The following SEC14L2 variants were observed in gnomAD, a reference collection of about 807,000 sequenced individuals.
SEC14L2 encodes SEC14 like lipid binding 2, also known as SEC14-like protein 2.
SEC14L2 carries 50 observed loss-of-function variants against 56.9 expected under a neutral mutation model. That is an observed-to-expected ratio of 0.88 (90% CI 0.70 to 1.11). The LOEUF (loss-of-function observed/expected upper bound fraction) is 1.11. Among genes scored for constraint, SEC14L2 ranks in the 50% most tolerant of loss-of-function variants. The pLI, the probability that SEC14L2 is intolerant of heterozygous loss-of-function variation, is 0.00. For missense variants in SEC14L2, 414 were observed against 500.7 expected, an observed-to-expected ratio of 0.83 and a Z score of 1.65; for synonymous variants, 179 against 188.5, an observed-to-expected ratio of 0.95 and a Z score of 0.41.
At chr22:30,420,453 A>G (rs1156531759) in intron 11 of SEC14L2, 1 of 152,198 alleles carries the variant, frequency 6.6e-6, no homozygotes, top group Non-Finnish European at 1.5e-5. Flanking sequence ...TCTGAGGCCA[A>G]GTATCTTGCT....
chr22:30,407,713 C>CT (rs370128450), intron 5 of SEC14L2, 110 bp downstream of exon 5: 36,141 of 608,852 alleles, frequency 0.059, 5 homozygotes, highest in Non-Finnish European at 0.066. Flanking sequence ...AAGGCCCAGC[C>CT]TTTTTTTTTT....
intron 11 of SEC14L2, among the ~76,000 whole-genome samples, chr22:30,417,270 T>C (rs1301266031): frequency 6.6e-6 from 1 of 152,224 alleles, no homozygotes; most frequent in African/African-American, 2.4e-5. Flanking sequence ...ACTCTAACAG[T>C]GGTTATCTCT....
chr22:30,415,230 G>C (rs2267157), intron 8 of SEC14L2, among the ~76,000 whole-genome samples: 2,117 of 152,198 alleles, frequency 0.014, 43 homozygotes, highest in East Asian at 0.11. Flanking sequence ...TCAGGAGTTC[G>C]AGACCAGCCT....
chr22:30,406,455 C>T (rs2072157), intron 3 of SEC14L2, 70 bp downstream of exon 3: 445,421 of 1,481,568 alleles, frequency 0.3, 67,393 homozygotes, highest in East Asian at 0.37. Flanking sequence ...CTTCTTTTGC[C>T]GCACCTCCCA....
chr22:30,416,197 GA>G (rs1569211162), intron 10 of SEC14L2, 36 bp from the exon 11 acceptor site: 1 of 1,609,718 alleles, frequency 6.2e-7, no homozygotes, highest in East Asian at 2.2e-5. Flanking sequence ...GGCACACACA[GA>G]CAGAATTATG....
At chr22:30,406,511 C>T in intron 3 of SEC14L2, 126 bp downstream of exon 3, 1 of 882,986 alleles carries the variant, frequency 1.1e-6, no homozygotes, top group Non-Finnish European at 1.8e-6. Flanking sequence ...ACCACTGTTG[C>T]CTTATCCCTC....
chr22:30,413,530 G>T (rs1045907794), intron 8 of SEC14L2, among the ~76,000 whole-genome samples: 3 of 152,068 alleles, frequency 2.0e-5, no homozygotes, highest in Non-Finnish European at 2.9e-5. Context: ...GACCAGCCTG[G>T]GAAACATAGT....
At chr22:30,403,957 T>C (rs1934013475) in intron 2 of SEC14L2, among the ~76,000 whole-genome samples, 1 of 135,876 alleles carries the variant, frequency 7.4e-6, no homozygotes. Flanking sequence ...GAGCTGAGAT[T>C]GCGCCACTGC....
chr22:30,406,575 C>T (rs35092409), intron 3 of SEC14L2, among the ~76,000 whole-genome samples, 190 bp downstream of exon 3: 1 of 152,106 alleles, frequency 6.6e-6, no homozygotes, highest in African/African-American at 2.4e-5. Flanking sequence ...AGCTCTGGGC[C>T]AGCCAAGAAT....
Position 30,416,342 on chromosome 22 carries a change from G to A in SEC14L2, c.1020G>A (p.Gln340=). ...AGEMTEVLPN[Q]RYNSHLVPED... is the part of the protein sequence containing the mutation. ...AGATGACAGAGGTGCTGCCCAACCA[G>A]AGGTACAACTCCCACCTGGTCCCTG... Residue 340 remains glutamine (Q), a synonymous_variant, in exon 11 of 12, where the codon CAG becomes CAA. Transcript: ENST00000615189. 1.2e-6 allele frequency: 2 copies of A among 1,614,248 alleles called. No individual in the cohort carries two copies. The highest frequency in any genetic ancestry group is 1.7e-6 in the Non-Finnish European group (2 of 1,180,042).
At chr22:30,398,927 G>A in intron 1 of SEC14L2, 1 of 408,598 alleles carries the variant, frequency 2.4e-6, no homozygotes, top group South Asian at 1.8e-5. Context: ...TACTTCTACG[G>A]GTTGTGAGTG....
At chr22:30,410,353 C>G (rs903609135) in intron 7 of SEC14L2, among the ~76,000 whole-genome samples, 7 of 152,240 alleles carry the variant, frequency 4.6e-5, no homozygotes, top group Non-Finnish European at 8.8e-5. Flanking sequence ...CTCCTTTGAG[C>G]CACCCAGCCT....
chr22:30,403,848 A>C (rs1025849757), intron 2 of SEC14L2, among the ~76,000 whole-genome samples: 27 of 151,668 alleles, frequency 1.8e-4, no homozygotes, highest in Non-Finnish European at 3.5e-4. Context: ...CTAAAAATAC[A>C]AAAAATTAGC....
At chr22:30,397,779 AGTTT>A in intron 1 of SEC14L2, 1 of 464,148 alleles carries the variant, frequency 2.2e-6, no homozygotes, top group Admixed American at 2.4e-5. Flanking sequence ...GGTTGGTGTT[AGTTT>A]GAGCTGAGAC....
At chr22:30,402,745 T>TA (rs1347489053) in intron 2 of SEC14L2, among the ~76,000 whole-genome samples, 2 of 151,452 alleles carry the variant, frequency 1.3e-5, no homozygotes, top group Non-Finnish European at 2.9e-5. Flanking sequence ...ATTGGGTTTT[T>TA]TTTTTTTGTC....
chr22:30,419,859 G>A (rs1219777937), intron 11 of SEC14L2, among the ~76,000 whole-genome samples: 1 of 152,116 alleles, frequency 6.6e-6, no homozygotes, highest in African/African-American at 2.4e-5. Flanking sequence ...GAGAGGGTAA[G>A]GTTGTACCTT....
chr22:30,400,320 G>C (rs553791365), intron 2 of SEC14L2: 1 of 152,352 alleles, frequency 6.6e-6, no homozygotes, highest in African/African-American at 2.4e-5. Context: ...CCTTGTTCAG[G>C]GTAAATACTT....
chr22:30,406,951 CA>C (rs1455483748), intron 3 of SEC14L2, 143 bp from the exon 4 acceptor site: 1 of 654,880 alleles, frequency 1.5e-6, no homozygotes, highest in Non-Finnish European at 2.6e-6. Context: ...GGGATTTTGC[CA>C]TGTTGGCCAG....
At chr22:30,406,524 G>A (rs1242434956) in intron 3 of SEC14L2, 139 bp downstream of exon 3, 10 of 770,736 alleles carry the variant, frequency 1.3e-5, no homozygotes, top group African/African-American at 8.7e-5. Context: ...TATCCCTCTG[G>A]GACAAATTGC....
Sources: allele counts gnomAD v4.1 joint callset (sites outside exome capture counted in the v4.1 genomes callset), GRCh38; gene constraint gnomAD v4.1.1; transcripts MANE v1.5; gene names NCBI Gene and HGNC (gene_info 2026-07-23, HGNC 2026-07-21).